Variants in PHF12 observed in about 807,000 individuals in gnomAD.
PHF12 encodes the protein PHD finger protein 12, also known as PHD factor 1.
A neutral mutation model predicts 99.8 loss-of-function variants in PHF12; 6 were observed. The ratio of observed to expected loss-of-function variants is 0.06; its 90% CI spans 0.03 to 0.12. The LOEUF (loss-of-function observed/expected upper bound fraction) is 0.12, where lower values mean the gene tolerates loss of function less well. Among genes scored for constraint, PHF12 ranks in the 10% least tolerant of loss-of-function variants. PHF12 has a pLI of 1.00. For missense variants in PHF12, 954 were observed against 1,300.1 expected, an observed-to-expected ratio of 0.73 and a Z score of 4.09; for synonymous variants, 480 against 514.9, an observed-to-expected ratio of 0.93 and a Z score of 0.92.
At chr17:28,919,077 T>C (rs2040110789) in intron 6 of PHF12, 66 bp downstream of exon 6, 1 of 1,518,724 alleles carries the variant, frequency 6.6e-7, no homozygotes, top group Non-Finnish European at 8.9e-7. Flanking sequence ...CTTAATATGC[T>C]TTCTGCTAAT....
intron 6 of PHF12, among the ~76,000 whole-genome samples, chr17:28,917,895 T>C (rs374741341): frequency 6.6e-6 from 1 of 152,172 alleles, no homozygotes; most frequent in African/African-American, 2.4e-5. Context: ...GTGTCCTACA[T>C]AGGAGCTTGG....
intron 2 of PHF12, among the ~76,000 whole-genome samples, chr17:28,948,867 C>G (rs140308848): frequency 6.6e-6 from 1 of 152,290 alleles, no homozygotes; most frequent in East Asian, 1.9e-4. Context: ...CCTCAGTCAA[C>G]TGTTGCAGAA....
chr17:28,933,991 G>T (rs942094833), intron 2 of PHF12, among the ~76,000 whole-genome samples: 2 of 152,100 alleles, frequency 1.3e-5, no homozygotes, highest in Non-Finnish European at 2.9e-5. Flanking sequence ...AAACTGAAGT[G>T]AGCCATGTCC....
At chr17:28,926,894 G>T in intron 3 of PHF12, 97 bp downstream of exon 3, 1 of 1,597,962 alleles carries the variant, frequency 6.3e-7, no homozygotes, top group South Asian at 1.1e-5. Context: ...CAAGAAGAAG[G>T]GACAAGAATG....
Position 28,912,701 on chromosome 17 carries a change from G to A in PHF12, c.1870C>T (p.Leu624=), listed in dbSNP as rs1270448156. Reference sequence around the variant, plus strand: ...CAAGAGCTGGGAATGGAAGGGGGCAGGCTTGGGACAGGAACCAAACTCCTC... The same window carrying A: ...CAAGAGCTGGGAATGGAAGGGGGCAAGCTTGGGACAGGAACCAAACTCCTC... ...PQRSLVPVPS[L]PPSIPSSCAS... Residue 624 remains leucine (L), a synonymous_variant, in exon 9 of 15, where the codon CTG becomes TTG. Transcript: ENST00000332830. 2 of 1,614,136 alleles carry A rather than the reference G, an allele frequency of 1.2e-6. No homozygotes were observed. The highest frequency in any genetic ancestry group is 2.7e-5 in the African/African-American group (2 of 74,948).
intron 2 of PHF12, among the ~76,000 whole-genome samples, chr17:28,944,266 T>C (rs2040680549): frequency 6.6e-6 from 1 of 152,224 alleles, no homozygotes; most frequent in South Asian, 2.1e-4. Context: ...TACAACTGCA[T>C]CCTACCTTTT....
At chr17:28,915,074 T>G (rs1007077210) in intron 7 of PHF12, among the ~76,000 whole-genome samples, 3 of 152,176 alleles carry the variant, frequency 2.0e-5, no homozygotes, top group African/African-American at 7.2e-5. Flanking sequence ...AAAAACATAG[T>G]GCTTATTTTA....
In PHF12 at chr17:28,917,468, C is replaced by G; in HGVS notation, c.970-19G>C. Reference sequence around the variant, plus strand: ...GGTTCAGCTAGGGACAAAGCAGACACAACCTTGTGGTGAGCCTCAAAAGGC... The same window carrying G: ...GGTTCAGCTAGGGACAAAGCAGACAGAACCTTGTGGTGAGCCTCAAAAGGC... On this transcript the variant is annotated intron_variant, in intron 6 of 14. Coordinates refer to ENST00000332830, the MANE Select transcript of PHF12 (RefSeq NM_001033561.2). 6.3e-7 allele frequency: 1 copy of G among 1,587,654 alleles called. No individual in the cohort carries two copies. The highest frequency in any genetic ancestry group is 2.2e-5 in the East Asian group (1 of 44,724).
Position 28,906,562 on chromosome 17 carries a change from C to T in PHF12, c.2681-45G>A, listed in dbSNP as rs751264597. ...TCACAGAAGAGGAACAGTGAGCAGC[C>T]AACCCATGTGGGCTGTTTGCCAAGG... is the stretch of plus-strand genomic sequence containing the variant. On this transcript the variant is annotated intron_variant, in intron 14 of 14. Transcript: ENST00000332830. The surrounding 1 kb of genome is among the most constrained non-coding windows in gnomAD (Gnocchi z 4.2). 1.9e-6 allele frequency: 3 copies of T among 1,548,082 alleles called. No individual in the cohort carries two copies. The highest frequency in any genetic ancestry group is 8.8e-7 in the Non-Finnish European group (1 of 1,141,128).
In PHF12 at chr17:28,949,831, C is replaced by T; in HGVS notation, c.248+234G>A. 2.0e-6 allele frequency: 1 copy of T among 510,854 alleles called. No homozygotes were observed. Among genetic ancestry groups the T allele is most frequent in the Non-Finnish European group, 3.5e-6 (1 of 288,244 alleles). The allele number at this position is 510,854 out of a possible 1,614,324, so 31.6% of individuals were successfully genotyped here. A position where few individuals can be genotyped will look rare whatever the true frequency, so the allele number is the denominator to read the frequency against. ...GCGACTTCCAATCCCATATGGGGTT[C>T]TCTTCACTCGTCCCAACCCCCACCT... On this transcript the variant is annotated intron_variant, in intron 2 of 14. Transcript: ENST00000332830. This position sits in a 1 kb window ranked among gnomAD's most constrained non-coding sequence, Gnocchi z 4.6.
chr17:28,921,754 GTCT>G lies in PHF12; in HGVS notation c.767_769del (p.Lys256del). 2 of 1,614,098 alleles carry G rather than the reference GTCT, an allele frequency of 1.2e-6. No individual in the cohort carries two copies. Among genetic ancestry groups the G allele is most frequent in the Admixed American group, 1.7e-5 (1 of 60,016 alleles). ...ACCATTGTGATCTAATTCATGCTGT[GTCT>G]TCTTAACATTTTTCCCTGTGGTTTC... is the stretch of plus-strand genomic sequence containing the variant. On this transcript the variant is annotated inframe_deletion, in exon 5 of 15. Transcript: ENST00000332830.
In PHF12 at chr17:28,950,517, C is replaced by A; in HGVS notation, c.67-271G>T. Reference sequence around the variant, plus strand: ...AGAGGGTGCGCGGTTCCCTTCTTGCCACTTCCTTGTATGGACAGTGGGGGA... The same window carrying A: ...AGAGGGTGCGCGGTTCCCTTCTTGCAACTTCCTTGTATGGACAGTGGGGGA... On this transcript the variant is annotated intron_variant, in intron 1 of 14. Transcript: ENST00000332830. The surrounding 1 kb of genome is among the most constrained non-coding windows in gnomAD (Gnocchi z 5.7). The A allele has an allele frequency of 1.8e-6, 1 of 555,152 alleles. No individual in the cohort carries two copies. Among genetic ancestry groups the A allele is most frequent in the Non-Finnish European group, 3.2e-6 (1 of 312,542 alleles). The allele number at this position is 555,152 out of a possible 1,614,324, so 34.4% of individuals were successfully genotyped here. A position where few individuals can be genotyped will look rare whatever the true frequency, so the allele number is the denominator to read the frequency against.
At chr17:28,926,935 A>G (rs757658612) in intron 3 of PHF12, 56 bp downstream of exon 3, 5 of 1,609,012 alleles carry the variant, frequency 3.1e-6, no homozygotes, top group Admixed American at 1.7e-5. Flanking sequence ...TAGCTCTAGC[A>G]TATCAGTGCT....
Position 28,913,997 on chromosome 17 carries a change from G to A in PHF12, c.1175C>T (p.Pro392Leu). ...CCGAATGGCCGCGGGTGCAATGAGA[G>A]GGGGTGGAAACTGGTACTGAGATTT... ...AIKSQYQFPP[P>L]LIAPAAIRDG... Residue 392 changes from proline (P) to leucine (L), a missense_variant, in exon 8 of 15, where the codon CCT becomes CTT. Pro to Leu is a moderately conservative substitution (Grantham distance 98, BLOSUM62 -3). Around this residue, in one of 8 missense-constraint regions of PHF12, gnomAD observed 392 missense variants for 423.1 expected, o/e 0.93. Transcript: ENST00000332830. The A allele has an allele frequency of 1.2e-6, 2 of 1,613,518 alleles. No individual in the cohort carries two copies. Among genetic ancestry groups the A allele is most frequent in the Non-Finnish European group, 1.7e-6 (2 of 1,179,486 alleles).
intron 2 of PHF12, chr17:28,944,478 A>C (rs1024913972): frequency 2.0e-6 from 2 of 978,080 alleles, no homozygotes; most frequent in Non-Finnish European, 2.4e-6. Flanking sequence ...CATGCATCTG[A>C]ACCTGAGTTA....
chr17:28,906,196 T>G lies in PHF12; in HGVS notation c.3002A>C (p.Asn1001Thr). ...KPHQGPVLRS[N>T]SVP ...TAGCCGCCAGTCCTAAGGAACAGAGTTGGAGCGCAGCACAGGGCCCTGGTG... is the reference window on the plus strand; with the variant it reads ...TAGCCGCCAGTCCTAAGGAACAGAGGTGGAGCGCAGCACAGGGCCCTGGTG... Residue 1001 changes from asparagine to threonine, a missense_variant, in exon 15 of 15, where the codon AAC becomes ACC. Around this residue, in one of 8 missense-constraint regions of PHF12, gnomAD observed 136 missense variants for 172.3 expected, o/e 0.79. Transcript: ENST00000332830. This position sits in a 1 kb window ranked among gnomAD's most constrained non-coding sequence, Gnocchi z 4.2. 1 of 1,592,888 alleles carries G rather than the reference T, an allele frequency of 6.3e-7. No individual in the cohort carries two copies. The highest frequency in any genetic ancestry group is 8.6e-7 in the Non-Finnish European group (1 of 1,165,726).
At chr17:28,940,558 G>T (rs1219201272) in intron 2 of PHF12, among the ~76,000 whole-genome samples, 1 of 152,176 alleles carries the variant, frequency 6.6e-6, no homozygotes, top group Admixed American at 6.5e-5. Flanking sequence ...CCTTTTATTA[G>T]TGTCTATTGT....
intron 2 of PHF12, among the ~76,000 whole-genome samples, chr17:28,934,847 C>T (rs537949521): frequency 8.5e-5 from 13 of 152,296 alleles, no homozygotes; most frequent in African/African-American, 1.7e-4. Flanking sequence ...GTGATCTACC[C>T]GCCTATGCCT....
intron 2 of PHF12, among the ~76,000 whole-genome samples, chr17:28,941,300 C>A (rs2040611940): frequency 6.6e-6 from 1 of 152,096 alleles, no homozygotes; most frequent in African/African-American, 2.4e-5. Context: ...TTCTATTACT[C>A]TTCTTGTGGG....
Sources: allele counts gnomAD v4.1 joint callset (sites outside exome capture counted in the v4.1 genomes callset), GRCh38; gene constraint gnomAD v4.1.1; regional missense constraint gnomAD v4.1.1; non-coding constraint Gnocchi (gnomAD v3.1); transcripts MANE v1.5; gene names NCBI Gene and HGNC (gene_info 2026-07-23, HGNC 2026-07-21).